The following BCAS3 variants were observed in gnomAD, a reference collection of about 807,000 sequenced individuals.
BCAS3 encodes the protein BCAS4/BCAS3 fusion.
Under a neutral mutation model 116.1 loss-of-function variants are expected in BCAS3, and 53 were observed. The observed-to-expected ratio is 0.46, with a 90% CI of 0.37 to 0.57. The LOEUF (loss-of-function observed/expected upper bound fraction) is 0.57, where lower values mean the gene tolerates loss of function less well. Ranked by LOEUF, BCAS3 falls within the 20% of genes least tolerant of loss-of-function variation. The probability of loss-of-function intolerance (pLI) is 0.00; values close to 1 mark genes in which losing one functional copy is unlikely to be tolerated. For missense variants in BCAS3, 917 were observed against 1,165.4 expected, an observed-to-expected ratio of 0.79 and a Z score of 3.10; for synonymous variants, 391 against 408.2, an observed-to-expected ratio of 0.96 and a Z score of 0.51.
intron 16 of BCAS3, among the ~76,000 whole-genome samples, chr17:61,018,977 C>T (rs929024095): frequency 3.9e-5 from 6 of 152,086 alleles, no homozygotes; most frequent in African/African-American, 1.4e-4. Flanking sequence ...TTATCCCTTC[C>T]TATTAATATA....
intron 23 of BCAS3, among the ~76,000 whole-genome samples, chr17:61,372,538 C>G (rs1478165623): frequency 6.6e-6 from 1 of 152,204 alleles, no homozygotes; most frequent in Non-Finnish European, 1.5e-5. Context: ...CTGAATTCCT[C>G]TCTTCGGGCC....
At chr17:60,811,251 A>T in intron 7 of BCAS3, 1 of 894,852 alleles carries the variant, frequency 1.1e-6, no homozygotes, top group Non-Finnish European at 1.8e-6. Context: ...CGCCAGGCCC[A>T]GGAGTAGGAG....
chr17:60,713,817 T>G (rs2038218420), intron 5 of BCAS3, among the ~76,000 whole-genome samples: 1 of 152,168 alleles, frequency 6.6e-6, no homozygotes, highest in Admixed American at 6.5e-5. Flanking sequence ...GACAATTGCA[T>G]TTGCATTTGC....
Position 61,141,768 on chromosome 17 carries a change from G to C in BCAS3, c.2425+57204G>C, listed in dbSNP as rs1050514339. Among the ~76,000 whole-genome samples the C allele has an allele frequency of 5.3e-5, 8 of 151,892 alleles. No homozygotes were observed. Among genetic ancestry groups the C allele is most frequent in the Non-Finnish European group, 1.0e-4 (7 of 67,996 alleles). ...ATACAAAAATTAGCTGGGCGTGGTG[G>C]CGCACGCCTGTAGTCCCAACTACTC... is the stretch of plus-strand genomic sequence containing the variant. On this transcript the variant is annotated intron_variant, in intron 22 of 23. Coordinates refer to ENST00000407086, the MANE Select transcript of BCAS3 (RefSeq NM_017679.5). This position sits in a 1 kb window ranked among gnomAD's most constrained non-coding sequence, Gnocchi z 4.3.
chr17:60,851,690 C>CT (rs1268459605), intron 7 of BCAS3: 1 of 822,078 alleles, frequency 1.2e-6, no homozygotes, highest in Non-Finnish European at 2.2e-6. Flanking sequence ...GAAATGAAAA[C>CT]TGAGGGGAGT....
At chr17:60,975,109 C>G (rs2062238726) in intron 14 of BCAS3, among the ~76,000 whole-genome samples, 1 of 151,376 alleles carries the variant, frequency 6.6e-6, no homozygotes, top group Non-Finnish European at 1.5e-5. Context: ...TCACGCCATT[C>G]TCCTGCCTCA....
rs374249022 is a variant in BCAS3, at chr17:61,287,152, G to A, written c.2426-81175G>A. On this transcript the variant is annotated intron_variant, in intron 22 of 23. Transcript: ENST00000407086. ...AGTCTTAGCTACTGGGGAGGCTGAG[G>A]CAGGAGAATGGCGTGAACCCGGGAG... 2.2e-3 allele frequency among the ~76,000 whole-genome samples: 338 copies of A among 151,938 alleles called. 4 individuals carry two copies. The highest frequency in any genetic ancestry group is 8.1e-3 in the African/African-American group (336 of 41,440).
intron 14 of BCAS3, chr17:60,986,831 C>T (rs1400754321): frequency 2.0e-5 from 3 of 152,078 alleles, no homozygotes; most frequent in African/African-American, 7.2e-5. Flanking sequence ...TCTTTTTTAA[C>T]TTGACATGAT....
intron 22 of BCAS3, among the ~76,000 whole-genome samples, chr17:61,166,818 C>T (rs1330923632): frequency 6.6e-6 from 1 of 152,126 alleles, no homozygotes; most frequent in African/African-American, 2.4e-5. Flanking sequence ...GGGGTAGAGT[C>T]ATCCTCCCAC....
chr17:60,815,918 T>A (rs1164147234), intron 7 of BCAS3, among the ~76,000 whole-genome samples: 4 of 152,200 alleles, frequency 2.6e-5, no homozygotes, highest in African/African-American at 9.7e-5. Flanking sequence ...ATATATATAT[T>A]TTGCCTAAGT....
chr17:61,339,765 A>G lies in BCAS3; in HGVS notation c.2426-28562A>G, dbSNP rs375286928. The stretch of plus-strand genomic sequence containing the variant: ...GGGGCGACAAAGCGAGACCCCATCT[A>G]AAAAAAAAAAAAAAAGACCAAGGAG... On this transcript the variant is annotated intron_variant, in intron 22 of 23. Coordinates refer to ENST00000407086, the MANE Select transcript of BCAS3 (RefSeq NM_017679.5). This position sits in a 1 kb window ranked among gnomAD's most constrained non-coding sequence, Gnocchi z 4.4. Among the ~76,000 whole-genome samples the G allele has an allele frequency of 0.012, 1,737 of 138,990 alleles. 29 individuals carry two copies. Among genetic ancestry groups the G allele is most frequent in the East Asian group, 0.056 (272 of 4,848 alleles). 91.2% of individuals were successfully genotyped at this position (138,990 alleles called of 152,430 possible). A position where few individuals can be genotyped will look rare whatever the true frequency, so the allele number is the denominator to read the frequency against.
intron 6 of BCAS3, among the ~76,000 whole-genome samples, chr17:60,783,906 C>G (rs2046045364): frequency 6.6e-6 from 1 of 152,070 alleles, no homozygotes; most frequent in Non-Finnish European, 1.5e-5. Context: ...CTCTGGAGTT[C>G]TTTATGGGCA....
rs1225298724 is a variant in BCAS3, at chr17:60,910,446, T to A, written c.823-86T>A. The A allele has an allele frequency of 8.2e-6, 9 of 1,094,466 alleles. No individual in the cohort carries two copies. In the East Asian group the frequency reaches 2.5e-4, roughly 31 times the overall value. 67.8% of individuals were successfully genotyped at this position (1,094,466 alleles called of 1,614,324 possible). On this transcript the variant is annotated intron_variant, in intron 11 of 23. Coordinates refer to ENST00000407086, the MANE Select transcript of BCAS3 (RefSeq NM_017679.5). ...GATTGTAAGAGAATAAATAACATAA[T>A]GATTAGGAAAATTAATAAAATGCGT...
chr17:61,304,865 T>C (rs2053722787), intron 22 of BCAS3, among the ~76,000 whole-genome samples: 1 of 152,228 alleles, frequency 6.6e-6, no homozygotes, highest in Non-Finnish European at 1.5e-5. Context: ...GGGATTCTTC[T>C]GCCTCAGCCT....
chr17:60,734,700 C>G (rs1211494832), intron 5 of BCAS3, among the ~76,000 whole-genome samples: 1 of 152,214 alleles, frequency 6.6e-6, no homozygotes, highest in East Asian at 1.9e-4. Context: ...TAGTCTTTCA[C>G]CAATACTACA....
At chr17:60,894,277 T>G (rs762017562) in intron 10 of BCAS3, among the ~76,000 whole-genome samples, 1 of 152,136 alleles carries the variant, frequency 6.6e-6, no homozygotes, top group Non-Finnish European at 1.5e-5. Context: ...TAGTTTTTTC[T>G]TGTAGAGATC....
chr17:60,838,564 C>T (rs1398304706), intron 7 of BCAS3, among the ~76,000 whole-genome samples: 1 of 151,696 alleles, frequency 6.6e-6, no homozygotes, highest in Admixed American at 6.6e-5. Flanking sequence ...TAGAGGTCAG[C>T]AAACTTTCTC....
chr17:61,330,230 C>T (rs1389668269), intron 22 of BCAS3, among the ~76,000 whole-genome samples: 3 of 151,036 alleles, frequency 2.0e-5, no homozygotes, highest in Non-Finnish European at 4.4e-5. Context: ...CACCTCTTCT[C>T]TCCCCTCCCT....
intron 22 of BCAS3, among the ~76,000 whole-genome samples, chr17:61,287,062 C>T (rs111834765): frequency 0.069 from 10,497 of 151,796 alleles, 1,209 homozygotes; most frequent in African/African-American, 0.24. Context: ...TCCTGGCTAA[C>T]ACGGTGAAAC....
Sources: gnomAD v4.1 joint callset for allele counts (sites outside exome capture counted in the v4.1 genomes callset) on GRCh38, gnomAD v4.1.1 for gene constraint, Gnocchi (gnomAD v3.1) non-coding constraint, MANE v1.5 for transcripts, NCBI Gene and HGNC (gene_info 2026-07-23, HGNC 2026-07-21) for gene names.